Variants in GRID2 observed in about 807,000 individuals in gnomAD.
GRID2 encodes glutamate ionotropic receptor delta type subunit 2, also known as glutamate receptor ionotropic, delta-2.
GRID2 carries 33 observed loss-of-function variants against 114.8 expected under a neutral mutation model. That is an observed-to-expected ratio of 0.29 (90% CI 0.22 to 0.38). GRID2 has a LOEUF of 0.38. Among genes scored for constraint, GRID2 ranks in the 10% least tolerant of loss-of-function variants. GRID2 has a pLI of 1.00. For synonymous variants in GRID2, 505 were observed against 449.9 expected (o/e 1.12, Z -1.55); for missense variants, 1,184 against 1,257.7 (o/e 0.94, Z 0.89).
chr4:93,771,958 T>G (rs1734143308), intron 15 of GRID2, 118 bp from the exon 16 acceptor site: 1 of 646,330 alleles, frequency 1.5e-6, no homozygotes, highest in Non-Finnish European at 2.7e-6. Flanking sequence ...AATAAATATT[T>G]GTTAAATGAA....
chr4:93,525,891 T>G lies in GRID2; in HGVS notation c.2193+10480T>G, dbSNP rs867112679. Among the ~76,000 whole-genome samples the G allele has an allele frequency of 2.3e-4, 35 of 152,340 alleles. No individual in the cohort carries two copies. The Middle Eastern group carries it at 0.02, about 89-fold the overall frequency. ...AATAGATTGATGCATCTTTGTTTCC[T>G]GCTGGTTGCATTATATTCTCAAACT... On this transcript the variant is annotated intron_variant, in intron 13 of 15. Transcript: ENST00000282020.
At chr4:93,572,795 A>G (rs557985450) in intron 13 of GRID2, among the ~76,000 whole-genome samples, 1 of 152,218 alleles carries the variant, frequency 6.6e-6, no homozygotes, top group African/African-American at 2.4e-5. Context: ...TTTCCTGGTC[A>G]GAATATGGAG....
At chr4:93,214,765 A>G (rs1056063919) in intron 5 of GRID2, among the ~76,000 whole-genome samples, 1 of 152,044 alleles carries the variant, frequency 6.6e-6, no homozygotes, top group Admixed American at 6.6e-5. Flanking sequence ...ATGTCCTCTT[A>G]AAGGATTTGG....
intron 2 of GRID2, among the ~76,000 whole-genome samples, chr4:92,902,040 C>T (rs1047431909): frequency 6.6e-6 from 1 of 152,010 alleles, no homozygotes; most frequent in Non-Finnish European, 1.5e-5. Flanking sequence ...CAGATTTAAC[C>T]TCACTACTTA....
At chr4:92,504,405 T>C (rs112988532) in intron 1 of GRID2, among the ~76,000 whole-genome samples, 3,000 of 152,032 alleles carry the variant, frequency 0.02, 31 homozygotes, top group South Asian at 0.04. Flanking sequence ...AGGGTGGTGG[T>C]GATAAGGAGA....
At chr4:93,469,884 A>T (rs1724641632) in intron 11 of GRID2, among the ~76,000 whole-genome samples, 1 of 152,168 alleles carries the variant, frequency 6.6e-6, no homozygotes, top group Admixed American at 6.5e-5. Context: ...TGTATAGATT[A>T]GTGACGTTTC....
chr4:93,568,101 A>T (rs1438154264), intron 13 of GRID2, among the ~76,000 whole-genome samples: 1 of 152,212 alleles, frequency 6.6e-6, no homozygotes, highest in Non-Finnish European at 1.5e-5. Context: ...TTGGGACAAC[A>T]TACCTAACCT....
At chr4:93,464,975 T>TC in intron 11 of GRID2, among the ~76,000 whole-genome samples, 1 of 152,320 alleles carries the variant, frequency 6.6e-6, no homozygotes. Context: ...TTTTAAATTC[T>TC]TCATTCTCTA....
chr4:93,021,910 G>C (rs114374808), intron 2 of GRID2, among the ~76,000 whole-genome samples: 3,832 of 149,334 alleles, frequency 0.026, 58 homozygotes, highest in Non-Finnish European at 0.038. Context: ...AGCTTTTATA[G>C]CTTCAACTCT....
intron 2 of GRID2, among the ~76,000 whole-genome samples, chr4:92,943,261 GTTCTTTTCTTTTTA>G (rs1751322158): frequency 6.6e-6 from 1 of 152,098 alleles, no homozygotes; most frequent in South Asian, 2.1e-4. Context: ...TGGGGGCTTT[GTTCTTTTCTTTTTA>G]TTCTTTTTTC....
At chr4:92,409,523 A>C (rs1731194133) in intron 1 of GRID2, among the ~76,000 whole-genome samples, 1 of 152,118 alleles carries the variant, frequency 6.6e-6, no homozygotes, top group South Asian at 2.1e-4. Context: ...TTATAGGTAA[A>C]TTTATAAGTC....
chr4:93,168,202 AAAAG>A (rs1239708677), intron 4 of GRID2, among the ~76,000 whole-genome samples: 1 of 151,916 alleles, frequency 6.6e-6, no homozygotes, highest in Non-Finnish European at 1.5e-5. Flanking sequence ...ACTCTATCTC[AAAAG>A]AAAGAAAAGG....
intron 1 of GRID2, among the ~76,000 whole-genome samples, chr4:92,334,805 T>A (rs1482880328): frequency 6.6e-6 from 1 of 152,162 alleles, no homozygotes; most frequent in Non-Finnish European, 1.5e-5. Context: ...ACACTTGCTC[T>A]CTCTATCTTG....
intron 13 of GRID2, among the ~76,000 whole-genome samples, chr4:93,594,734 G>C (rs1377655056): frequency 2.6e-5 from 4 of 152,202 alleles, no homozygotes; most frequent in Non-Finnish European, 5.9e-5. Context: ...CTCTGAGCCA[G>C]GTGCGGGATA....
chr4:92,716,369 T>C (rs539718625), intron 2 of GRID2, among the ~76,000 whole-genome samples: 27 of 152,312 alleles, frequency 1.8e-4, no homozygotes, highest in African/African-American at 6.0e-4. Flanking sequence ...TTAGCAGGAA[T>C]ACTGTGCATT....
intron 14 of GRID2, among the ~76,000 whole-genome samples, chr4:93,647,077 T>C (rs762257001): frequency 1.3e-5 from 2 of 152,174 alleles, no homozygotes; most frequent in African/African-American, 2.4e-5. Flanking sequence ...AAGGTACTTA[T>C]GAAAGATTTC....
chr4:93,690,584 G>C (rs999091272), intron 14 of GRID2, among the ~76,000 whole-genome samples: 1 of 151,910 alleles, frequency 6.6e-6, no homozygotes, highest in African/African-American at 2.4e-5. Flanking sequence ...TATTCTTGAG[G>C]AAAATAGTAA....
intron 1 of GRID2, among the ~76,000 whole-genome samples, chr4:92,315,993 C>CAAAAAAAAAAAAAAAAAAAAAAAAGA (rs778361565): frequency 1.6e-5 from 1 of 61,914 alleles, no homozygotes; most frequent in Non-Finnish European, 3.1e-5. Context: ...AAACAAAAAG[C>CAAAAAAAAAAAAAAAAAAAAAAAAGA]AAAAAAAAAA....
chr4:92,509,988 C>A (rs928632547), intron 1 of GRID2, among the ~76,000 whole-genome samples: 13 of 151,828 alleles, frequency 8.6e-5, no homozygotes, highest in African/African-American at 3.1e-4. Context: ...TTTCAGCAGG[C>A]TAATGTCATA....
Sources: allele counts gnomAD v4.1 joint callset (sites outside exome capture counted in the v4.1 genomes callset), GRCh38; gene constraint gnomAD v4.1.1; transcripts MANE v1.5; gene names NCBI Gene and HGNC (gene_info 2026-07-23, HGNC 2026-07-21).